Variants in FOXL1 observed in about 807,000 individuals in gnomAD.
FOXL1 encodes the protein forkhead box L1, also known as forkhead box protein L1.
Under a neutral mutation model 1.7 loss-of-function variants are expected in FOXL1, and 2 were observed. That is an observed-to-expected ratio of 1.21 (90% CI 0.49 to 3.80). The LOEUF is 3.80. Among genes scored for constraint, FOXL1 ranks in the 30% most tolerant of loss-of-function variants. FOXL1 has a pLI of 0.07. For synonymous variants in FOXL1, 280 were observed against 229.3 expected (o/e 1.22, Z -2.00); for missense variants, 565 against 495.8 (o/e 1.14, Z -1.32).
Position 86,579,369 on chromosome 16 carries a change from G to A in FOXL1, c.646G>A (p.Glu216Lys). 5 of 1,499,258 alleles carry A rather than the reference G, an allele frequency of 3.3e-6. No individual in the cohort carries two copies. The highest frequency in any genetic ancestry group is 3.5e-6 in the Non-Finnish European group (4 of 1,131,652). 92.9% of individuals were successfully genotyped at this position (1,499,258 alleles called of 1,614,324 possible). The change falls in exon 1 of 1, where the codon GAG becomes AAG. Residue 216 changes from glutamate to lysine, a missense_variant. Glu to Lys is a moderately conservative substitution (Grantham distance 56). Coordinates refer to ENST00000320241, the MANE Select transcript of FOXL1 (RefSeq NM_005250.3). ...LHWPGTASPN[E>K]DAGDAAQGAA... ...CTGGCCGGGGACCGCGTCCCCGAAC[G>A]AGGACGCTGGTGACGCTGCCCAGGG...
chr16:86,579,652 C>T lies in FOXL1; in HGVS notation c.929C>T (p.Ala310Val). Residue 310 changes from alanine to valine, a missense_variant, in exon 1 of 1, where the codon GCT (alanine) becomes GTT (valine). By Grantham distance (64) the Ala-to-Val change is moderately conservative. Transcript: ENST00000320241. ...ASSSLRPPFN[A>V]SLMLDPHVQG... Reference sequence around the variant, plus strand: ...TCCAGCCTCCGTCCGCCTTTCAACGCTTCCCTGATGCTCGACCCGCATGTC... The same window carrying T: ...TCCAGCCTCCGTCCGCCTTTCAACGTTTCCCTGATGCTCGACCCGCATGTC... 6.2e-7 allele frequency: 1 copy of T among 1,613,884 alleles called. No homozygotes were observed. The highest frequency in any genetic ancestry group is 8.5e-7 in the Non-Finnish European group (1 of 1,180,008).
rs1289189719 is a variant in FOXL1, at chr16:86,582,812, A to T, written c.*3051A>T. On this transcript the variant is annotated 3_prime_UTR_variant, in exon 1 of 1. Coordinates refer to ENST00000320241, the MANE Select transcript of FOXL1 (RefSeq NM_005250.3). Reference sequence around the variant, plus strand: ...GATTTTGTTTTTCTATATAGTTTTTAAAAATAGATAATAATTTCTATATAG... The same window carrying T: ...GATTTTGTTTTTCTATATAGTTTTTTAAAATAGATAATAATTTCTATATAG... Among the ~76,000 whole-genome samples the T allele has an allele frequency of 3.9e-5, 6 of 152,086 alleles. No homozygotes were observed. Among genetic ancestry groups the T allele is most frequent in the Admixed American group, 6.6e-5 (1 of 15,262 alleles).
chr16:86,579,745 T>C lies in FOXL1; in HGVS notation c.1022T>C (p.Val341Ala), dbSNP rs745706511. 1.9e-6 allele frequency: 3 copies of C among 1,612,960 alleles called. No homozygotes were observed. Among genetic ancestry groups the C allele is most frequent in the Non-Finnish European group, 1.7e-6 (2 of 1,179,542 alleles). Residue 341 changes from valine (V) to alanine (A), a missense_variant, in exon 1 of 1, where the codon GTA becomes GCA. By Grantham distance (64) the Val-to-Ala change is moderately conservative. Transcript: ENST00000320241. ...SYFPLQVPDT[V>A]LHFQ ...TTCCCCCTGCAGGTTCCCGACACGG[T>C]ACTCCACTTCCAGTAAAGCAAACAA...
In FOXL1 at chr16:86,579,571, G is replaced by C. The variant is rs756315189; in HGVS notation, c.848G>C (p.Gly283Ala). The stretch of plus-strand genomic sequence containing the variant: ...CCGCCTTCAGGGGACGAACTCCTAG[G>C]GGGTGCCAAGCCTGGGCCCGGCGGC... ...QKPPSGDELLGGAKPGPGGRL... is the reference protein window; with the variant it reads ...QKPPSGDELLAGAKPGPGGRL... Residue 283 changes from glycine (G) to alanine (A), a missense_variant, in exon 1 of 1, where the codon GGG becomes GCG. Coordinates refer to ENST00000320241, the MANE Select transcript of FOXL1 (RefSeq NM_005250.3). 1.9e-6 allele frequency: 3 copies of C among 1,612,992 alleles called. No individual in the cohort carries two copies. The highest frequency in any genetic ancestry group is 2.2e-5 in the East Asian group (1 of 44,850).
chr16:86,579,182 G>A lies in FOXL1; in HGVS notation c.459G>A (p.Glu153=). Residue 153 remains glutamate (E), a synonymous_variant, in exon 1 of 1, where the codon GAG becomes GAA. Transcript: ENST00000320241. ...RKPKPGPGAP[E]AKRPRAETHQ... ...CCAAGCCGGGCCCCGGGGCCCCGGA[G>A]GCCAAGAGGCCCCGCGCCGAGACGC... The A allele has an allele frequency of 6.2e-7, 1 of 1,602,630 alleles. No homozygotes were observed. The highest frequency in any genetic ancestry group is 8.5e-7 in the Non-Finnish European group (1 of 1,175,348).
chr16:86,578,827 C>A lies in FOXL1; in HGVS notation c.104C>A (p.Ala35Glu). 1 of 1,613,656 alleles carries A rather than the reference C, an allele frequency of 6.2e-7. No individual in the cohort carries two copies. Among genetic ancestry groups the A allele is most frequent in the Non-Finnish European group, 8.5e-7 (1 of 1,179,940 alleles). ...RPGLPLAFAPAAALAASGRAE... is the reference protein window; with the variant it reads ...RPGLPLAFAPEAALAASGRAE... ...GGCCTCCCTCTGGCCTTCGCCCCCGCGGCTGCTCTAGCTGCCTCGGGCCGG... is the reference window on the plus strand; with the variant it reads ...GGCCTCCCTCTGGCCTTCGCCCCCGAGGCTGCTCTAGCTGCCTCGGGCCGG... Residue 35 changes from alanine to glutamate, a missense_variant, in exon 1 of 1, where the codon GCG (alanine) becomes GAG (glutamate). Ala to Glu is a moderately radical substitution (Grantham distance 107). Coordinates refer to ENST00000320241, the MANE Select transcript of FOXL1 (RefSeq NM_005250.3).
Position 86,578,857 on chromosome 16 carries a change from A to G in FOXL1, c.134A>G (p.Glu45Gly), listed in dbSNP as rs1974373075. The stretch of plus-strand genomic sequence containing the variant: ...GCTCTAGCTGCCTCGGGCCGGGCCG[A>G]GACCCCGCAGAAGCCTCCCTACAGC... ...AAALAASGRA[E>G]TPQKPPYSYI... is the part of the protein sequence containing the mutation. Residue 45 changes from glutamate to glycine, a missense_variant, in exon 1 of 1, where the codon GAG becomes GGG. Physicochemically the swap from Glu to Gly is moderately conservative, Grantham distance 98 (BLOSUM62 -2). Coordinates refer to ENST00000320241, the MANE Select transcript of FOXL1 (RefSeq NM_005250.3). 2.5e-5 allele frequency: 41 copies of G among 1,613,752 alleles called. No homozygotes were observed. The highest frequency in any genetic ancestry group is 3.2e-5 in the Non-Finnish European group (38 of 1,179,976).
At position 86,580,087 on chromosome 16, in the gene FOXL1, C is replaced by T. The variant is rs553504716; in HGVS notation, c.*326C>T. 1 of 312,864 alleles carries T rather than the reference C, an allele frequency of 3.2e-6. No individual in the cohort carries two copies. The highest frequency in any genetic ancestry group is 2.1e-5 in the African/African-American group (1 of 47,822). The allele number at this position is 312,864 out of a possible 1,614,324, so 19.4% of individuals were successfully genotyped here. On this transcript the variant is annotated 3_prime_UTR_variant, in exon 1 of 1. Coordinates refer to ENST00000320241, the MANE Select transcript of FOXL1 (RefSeq NM_005250.3). ...CTAATGGAGTGTGGTCTTCAGCCGC[C>T]CACCGCAGGTCCTGCGAGTCCCGGG...
In FOXL1 at chr16:86,579,209, C is replaced by A. The variant is rs775367514; in HGVS notation, c.486C>A (p.His162Gln). ...CCAAGAGGCCCCGCGCCGAGACGCACCAGCGCAGCGCGGAGGCGCAGCCGG... is the reference window on the plus strand; with the variant it reads ...CCAAGAGGCCCCGCGCCGAGACGCAACAGCGCAGCGCGGAGGCGCAGCCGG... The part of the protein sequence containing the change: ...PEAKRPRAET[H>Q]QRSAEAQPEA... The change falls in exon 1 of 1, where the codon CAC becomes CAA. Residue 162 changes from histidine to glutamine, a missense_variant. Coordinates refer to ENST00000320241, the MANE Select transcript of FOXL1 (RefSeq NM_005250.3). 1 of 1,574,878 alleles carries A rather than the reference C, an allele frequency of 6.3e-7. No homozygotes were observed. The highest frequency in any genetic ancestry group is 8.6e-7 in the Non-Finnish European group (1 of 1,161,886).
In FOXL1 at chr16:86,581,833, G is replaced by C. The variant is rs991340975; in HGVS notation, c.*2072G>C. 1.2e-5 allele frequency: 2 copies of C among 163,126 alleles called. No individual in the cohort carries two copies. The highest frequency in any genetic ancestry group is 4.8e-5 in the African/African-American group (2 of 41,460). The allele number at this position is 163,126 out of a possible 1,614,324, so 10.1% of individuals were successfully genotyped here. A position where few individuals can be genotyped will look rare whatever the true frequency, so the allele number is the denominator to read the frequency against. ...TCTGAGGGGTAAACACACAGATGGA[G>C]GGGAAGGAGTGGAGAGGATGCCGGG... On this transcript the variant is annotated 3_prime_UTR_variant, in exon 1 of 1. Coordinates refer to ENST00000320241, the MANE Select transcript of FOXL1 (RefSeq NM_005250.3).
In FOXL1 at chr16:86,581,741, T is replaced by C. The variant is rs527794471; in HGVS notation, c.*1980T>C. On this transcript the variant is annotated 3_prime_UTR_variant, in exon 1 of 1. Transcript: ENST00000320241. ...TTACTGGAGGGAAATAAACAAACAG[T>C]GTAATAAGAAAGAGGAGACTGGGAT... The C allele has an allele frequency of 1.8e-5, 3 of 166,968 alleles. No homozygotes were observed. The highest frequency in any genetic ancestry group is 3.9e-4 in the East Asian group (2 of 5,180). 10.3% of individuals were successfully genotyped at this position (166,968 alleles called of 1,614,324 possible). A position where few individuals can be genotyped will look rare whatever the true frequency, so the allele number is the denominator to read the frequency against.
chr16:86,580,109 C>T lies in FOXL1; in HGVS notation c.*348C>T, dbSNP rs556412145. ...CGCCCACCGCAGGTCCTGCGAGTCC[C>T]GGGCATGCAAGGGCCCGCAGACCAC... On this transcript the variant is annotated 3_prime_UTR_variant, in exon 1 of 1. Transcript: ENST00000320241. The T allele has an allele frequency of 7.3e-6, 2 of 272,208 alleles. No individual in the cohort carries two copies. The highest frequency in any genetic ancestry group is 1.5e-5 in the Non-Finnish European group (2 of 133,632). The allele number at this position is 272,208 out of a possible 1,614,324, so 16.9% of individuals were successfully genotyped here.
At position 86,579,475 on chromosome 16, in the gene FOXL1, C is replaced by T. The variant is rs1464539433; in HGVS notation, c.752C>T (p.Ser251Phe). ...CCTCTGCGCCCCGCCTCCCGCAGCT[C>T]TCCGAAGAGCTCCGACAAGTCCAAG... is the stretch of plus-strand genomic sequence containing the variant. ...GSPLRPASRS[S>F]PKSSDKSKSF... Residue 251 changes from serine to phenylalanine, a missense_variant, in exon 1 of 1, where the codon TCT (serine) becomes TTT (phenylalanine). By Grantham distance (155) the Ser-to-Phe change is radical. Coordinates refer to ENST00000320241, the MANE Select transcript of FOXL1 (RefSeq NM_005250.3). 6.4e-7 allele frequency: 1 copy of T among 1,567,094 alleles called. No homozygotes were observed. The highest frequency in any genetic ancestry group is 1.9e-5 in the Admixed American group (1 of 52,916).
rs1241532749 is a variant in FOXL1, at chr16:86,578,735, C to T, written c.12C>T (p.Leu4=). The T allele has an allele frequency of 2.5e-6, 4 of 1,604,062 alleles. No homozygotes were observed. The East Asian group carries it at 6.7e-5, about 27-fold the overall frequency. ...GGCTCTCGCTTGCCATGAGTCACCT[C>T]TTCGATCCCCGGCTGCCTGCCCTGG... is the stretch of plus-strand genomic sequence containing the variant. MSH[L]FDPRLPALAA... is the part of the protein sequence containing the mutation. Residue 4 remains leucine, a synonymous_variant, in exon 1 of 1, where the codon CTC becomes CTT. Coordinates refer to ENST00000320241, the MANE Select transcript of FOXL1 (RefSeq NM_005250.3).
In FOXL1 at chr16:86,580,551, C is replaced by CATAT. The variant is rs1374090942; in HGVS notation, c.*790_*791insATAT. ...ACAATTTTTATTAAGAAAGTGCACT[C>CATAT]TATATAACATCTTCTTGCATTACGA... On this transcript the variant is annotated 3_prime_UTR_variant, in exon 1 of 1. Coordinates refer to ENST00000320241, the MANE Select transcript of FOXL1 (RefSeq NM_005250.3). The CATAT allele has an allele frequency of 6.0e-6, 1 of 166,706 alleles. No homozygotes were observed. Among genetic ancestry groups the CATAT allele is most frequent in the Non-Finnish European group, 1.5e-5 (1 of 68,118 alleles). The allele number at this position is 166,706 out of a possible 1,614,324, so 10.3% of individuals were successfully genotyped here.
Position 86,579,549 on chromosome 16 carries a change from C to T in FOXL1, c.826C>T (p.Pro276Ser), listed in dbSNP as rs1233351827. 19 of 1,611,876 alleles carry T rather than the reference C, an allele frequency of 1.2e-5. No individual in the cohort carries two copies. Among genetic ancestry groups the T allele is most frequent in the Non-Finnish European group, 1.6e-5 (19 of 1,179,362 alleles). Residue 276 changes from proline to serine, a missense_variant, in exon 1 of 1, where the codon CCT becomes TCT. Physicochemically the swap from Pro to Ser is moderately conservative, Grantham distance 74. Transcript: ENST00000320241. The stretch of plus-strand genomic sequence containing the variant: ...GGCGGGAAAGCAGGGCCAGAAGCCG[C>T]CTTCAGGGGACGAACTCCTAGGGGG... ...ILAGKQGQKP[P>S]SGDELLGGAK...
chr16:86,578,843 C>T lies in FOXL1; in HGVS notation c.120C>T (p.Ala40=), dbSNP rs1236678937. 7 of 1,613,678 alleles carry T rather than the reference C, an allele frequency of 4.3e-6. No homozygotes were observed. The highest frequency in any genetic ancestry group is 2.2e-5 in the East Asian group (1 of 44,868). The change falls in exon 1 of 1, where the codon GCC becomes GCT. Residue 40 remains alanine (A), a synonymous_variant. Transcript: ENST00000320241. ...TCGCCCCCGCGGCTGCTCTAGCTGC[C>T]TCGGGCCGGGCCGAGACCCCGCAGA... ...LAFAPAAALA[A]SGRAETPQKP... is the part of the protein sequence containing the mutation.
In FOXL1 at chr16:86,579,828, C is replaced by A; in HGVS notation, c.*67C>A. 1 of 1,389,476 alleles carries A rather than the reference C, an allele frequency of 7.2e-7. No individual in the cohort carries two copies. 86.1% of individuals were successfully genotyped at this position (1,389,476 alleles called of 1,614,324 possible). On this transcript the variant is annotated 3_prime_UTR_variant, in exon 1 of 1. Coordinates refer to ENST00000320241, the MANE Select transcript of FOXL1 (RefSeq NM_005250.3). ...CTCCGCTGAGCGAAAGGCCACAGCT[C>A]CCACCGGCGGAGGATTTTAAAATGA...
rs547014779 is a variant in FOXL1 at position 86,580,597 on chromosome 16, A to C, written c.*836A>C. 3 of 166,374 alleles carry C rather than the reference A, an allele frequency of 1.8e-5. No homozygotes were observed. Among genetic ancestry groups the C allele is most frequent in the Non-Finnish European group, 1.5e-5 (1 of 68,124 alleles). The allele number at this position is 166,374 out of a possible 1,614,324, so 10.3% of individuals were successfully genotyped here. A position where few individuals can be genotyped will look rare whatever the true frequency, so the allele number is the denominator to read the frequency against. On this transcript the variant is annotated 3_prime_UTR_variant, in exon 1 of 1. Coordinates refer to ENST00000320241, the MANE Select transcript of FOXL1 (RefSeq NM_005250.3). ...TACGATAGCTCATTAGCCAATACAC[A>C]TGCAGCTATGTAAGCCACAACAGCA...
Sources: gnomAD v4.1 joint callset for allele counts (sites outside exome capture counted in the v4.1 genomes callset) on GRCh38, gnomAD v4.1.1 for gene constraint, MANE v1.5 for transcripts, NCBI Gene and HGNC (gene_info 2026-07-23, HGNC 2026-07-21) for gene names.